The following MYO1F variants were observed in gnomAD, a reference collection of about 807,000 sequenced individuals.
MYO1F encodes unconventional myosin-If.
In MYO1F, 60 loss-of-function variants were observed where a neutral mutation model predicts 146.6. That is an observed-to-expected ratio of 0.41 (90% CI 0.33 to 0.51). The LOEUF (loss-of-function observed/expected upper bound fraction) is 0.51, where lower values mean the gene tolerates loss of function less well. Among genes scored for constraint, MYO1F ranks in the 20% least tolerant of loss-of-function variants. The pLI is 0.25. For synonymous variants in MYO1F, 602 were observed against 602.1 expected, an observed-to-expected ratio of 1.00 and a Z score of 0.00; for missense variants, 1,274 against 1,534.3, an observed-to-expected ratio of 0.83 and a Z score of 2.83.
At chr19:8,521,940 C>T (rs1972073836) in intron 27 of MYO1F, among the ~76,000 whole-genome samples, 1 of 152,026 alleles carries the variant, frequency 6.6e-6, no homozygotes, top group South Asian at 2.1e-4. Context: ...CAGGTATGAG[C>T]CACCTCGCCC....
At chr19:8,568,431 A>AAAAAAAAC (rs1555731025) in intron 1 of MYO1F, among the ~76,000 whole-genome samples, 1 of 150,822 alleles carries the variant, frequency 6.6e-6, no homozygotes, top group African/African-American at 2.4e-5. Context: ...TCAAAAAAAA[A>AAAAAAAAC]AAAAAAAAAA....
At position 8,521,327 on chromosome 19, in the gene MYO1F, G is replaced by A. The variant is rs926100423; in HGVS notation, c.*201C>T. 7 of 627,748 alleles carry A rather than the reference G, an allele frequency of 1.1e-5. No individual in the cohort carries two copies. Among genetic ancestry groups the A allele is most frequent in the African/African-American group, 1.8e-5 (1 of 54,954 alleles). 38.9% of individuals were successfully genotyped at this position (627,748 alleles called of 1,614,324 possible). A position where few individuals can be genotyped will look rare whatever the true frequency, so the allele number is the denominator to read the frequency against. ...AGAATGGGCAGCAGGTGTGATGTTG[G>A]AGGAAGACCAGGGCCCAGGGGCGGG... On this transcript the variant is annotated 3_prime_UTR_variant, in exon 28 of 28. Coordinates refer to ENST00000644032, the MANE Select transcript of MYO1F (RefSeq NM_012335.4).
rs574014272 is a variant in MYO1F at position 8,575,504 on chromosome 19, C to T, written c.3+1803G>A. Among the ~76,000 whole-genome samples, 9 of 151,974 alleles carry T rather than the reference C, an allele frequency of 5.9e-5. No individual in the cohort carries two copies. In the East Asian group the frequency reaches 1.6e-3, roughly 26 times the overall value. ...TGAGAGGAGGTGGAGCTCGGGCTTG[C>T]TTGCCTGCCACTCATCTCCTGCTCT... is the stretch of plus-strand genomic sequence containing the variant. On this transcript the variant is annotated intron_variant, in intron 1 of 27. Transcript: ENST00000644032.
At chr19:8,563,657 C>T (rs1885415261) in intron 1 of MYO1F, among the ~76,000 whole-genome samples, 1 of 151,650 alleles carries the variant, frequency 6.6e-6, no homozygotes, top group African/African-American at 2.4e-5. Flanking sequence ...TACAGGAGCC[C>T]ATCAACACGC....
At chr19:8,552,290 A>C in intron 6 of MYO1F, 126 bp from the exon 7 acceptor site, 1 of 1,037,242 alleles carries the variant, frequency 9.6e-7, no homozygotes, top group Non-Finnish European at 1.5e-6. Context: ...ACAGAATCTG[A>C]CTCTGTTGCT....
At chr19:8,542,357 C>CG (rs1368268827) in intron 14 of MYO1F, among the ~76,000 whole-genome samples, 15 of 47,428 alleles carry the variant, frequency 3.2e-4, no homozygotes, top group South Asian at 2.5e-3. Flanking sequence ...TGCAGCCTGG[C>CG]GGGGGGGTCC....
intron 13 of MYO1F, chr19:8,545,337 C>G (rs2145895836): frequency 2.7e-6 from 1 of 368,524 alleles, no homozygotes; most frequent in South Asian, 2.3e-5. Flanking sequence ...GATCCGCCCA[C>G]CTTGGCCTCC....
At chr19:8,568,422 C>CAAAAAAAAAAAAA (rs55833513) in intron 1 of MYO1F, among the ~76,000 whole-genome samples, 1 of 66,440 alleles carries the variant, frequency 1.5e-5, no homozygotes, top group Non-Finnish European at 2.5e-5. Context: ...GACTCCGTCT[C>CAAAAAAAAAAAAA]AAAAAAAAAA....
intron 21 of MYO1F, among the ~76,000 whole-genome samples, chr19:8,529,211 T>C (rs1284764282): frequency 6.6e-6 from 1 of 152,070 alleles, no homozygotes; most frequent in Non-Finnish European, 1.5e-5. Flanking sequence ...GTGATCTCAG[T>C]GTGTACCTGC....
At chr19:8,531,527 T>A (rs1422874428) in intron 19 of MYO1F, among the ~76,000 whole-genome samples, 1 of 152,026 alleles carries the variant, frequency 6.6e-6, no homozygotes, top group Non-Finnish European at 1.5e-5. Context: ...TTTGTGGTGA[T>A]GTGGTCTTGC....
intron 1 of MYO1F, among the ~76,000 whole-genome samples, chr19:8,571,816 C>T (rs2042115285): frequency 1.3e-5 from 2 of 152,110 alleles, no homozygotes; most frequent in African/African-American, 4.8e-5. Flanking sequence ...CCAGGATGGT[C>T]TCGATCTCCT....
At chr19:8,531,347 CAAAAAAAG>C (rs371105289) in intron 19 of MYO1F, among the ~76,000 whole-genome samples, 16 of 151,788 alleles carry the variant, frequency 1.1e-4, no homozygotes, top group African/African-American at 3.4e-4. Flanking sequence ...AACTTCATCT[CAAAAAAAG>C]AAAAAAAGAA....
chr19:8,530,732 C>G lies in MYO1F; in HGVS notation c.2044-159G>C, dbSNP rs112458917. On this transcript the variant is annotated intron_variant, in intron 19 of 27. Transcript: ENST00000644032. This position sits in a 1 kb window ranked among gnomAD's most constrained non-coding sequence, Gnocchi z 5.8. Reference sequence around the variant, plus strand: ...GAGGCGGGGTCTTTCTAGTGACACTCGTTCATAAAGAAAAGAAGAAAAAGG... The same window carrying G: ...GAGGCGGGGTCTTTCTAGTGACACTGGTTCATAAAGAAAAGAAGAAAAAGG... Among the ~76,000 whole-genome samples, 1,423 of 152,134 alleles carry G rather than the reference C, an allele frequency of 9.4e-3. 25 individuals are homozygous for G. The highest frequency in any genetic ancestry group is 0.033 in the African/African-American group (1,355 of 41,520).
Position 8,554,687 on chromosome 19 carries a change from G to C in MYO1F, c.198C>G (p.Phe66Leu), listed in dbSNP as rs758029581. Residue 66 changes from phenylalanine to leucine, a missense_variant, in exon 3 of 28, where the codon TTC becomes TTG. By Grantham distance (22) the Phe-to-Leu change is conservative. Transcript: ENST00000644032. ...GATAGAGGTCGATCTCACGGTCGGT[G>C]AAGTAGGGCATCTGCTTGAAGGGGT... ...SVNPFKQMPYFTDREIDLYQG... is the reference protein window; with the variant it reads ...SVNPFKQMPYLTDREIDLYQG... 1 of 1,613,958 alleles carries C rather than the reference G, an allele frequency of 6.2e-7. No individual in the cohort carries two copies. Among genetic ancestry groups the C allele is most frequent in the Admixed American group, 1.7e-5 (1 of 59,964 alleles).
rs776863768 is a variant in MYO1F at position 8,530,253 on chromosome 19, G to T, written c.2271C>A (p.Gly757=). 3 of 1,613,964 alleles carry T rather than the reference G, an allele frequency of 1.9e-6. No homozygotes were observed. In the Admixed American group the frequency reaches 5.0e-5, roughly 27 times the overall value. ...EERPELRQFL[G]KRERVDFADS... is the part of the protein sequence containing the mutation. ...CGGCGAAGTCCACCCGCTCCCTCTT[G>T]CCCAGGAACTGACGCAGCTCGGGCC... The change falls in exon 21 of 28, where the codon GGC becomes GGA. Residue 757 remains glycine (G), a synonymous_variant. Transcript: ENST00000644032. The surrounding 1 kb of genome is among the most constrained non-coding windows in gnomAD (Gnocchi z 5.8).
intron 12 of MYO1F, 56 bp from the exon 13 acceptor site, chr19:8,545,792 TCCC>T: frequency 8.5e-7 from 1 of 1,175,554 alleles, no homozygotes; most frequent in Non-Finnish European, 1.3e-6. Context: ...TGGCCACCCT[TCCC>T]CCCATGTCCT....
At position 8,555,686 on chromosome 19, in the gene MYO1F, C is replaced by G; in HGVS notation, c.114G>C (p.Arg38=). 6 of 1,614,142 alleles carry G rather than the reference C, an allele frequency of 3.7e-6. No homozygotes were observed. Among genetic ancestry groups the G allele is most frequent in the Non-Finnish European group, 5.1e-6 (6 of 1,180,020 alleles). ...AGATGTAGTCGTCCATGAAGCGCTT[C>G]CGGAGGTTGGCGGCAATGGCGTCTT... ...ITEDAIAANL[R]KRFMDDYIFT... The change falls in exon 2 of 28, where the codon CGG becomes CGC. Residue 38 remains arginine (R), a synonymous_variant. Coordinates refer to ENST00000644032, the MANE Select transcript of MYO1F (RefSeq NM_012335.4).
intron 13 of MYO1F, among the ~76,000 whole-genome samples, 157 bp from the exon 14 acceptor site, chr19:8,544,621 C>T (rs1005951727): frequency 4.0e-4 from 60 of 150,636 alleles, no homozygotes; most frequent in African/African-American, 1.0e-3. Context: ...AATACAAGCA[C>T]AAAAGGCGTT....
Position 8,577,373 on chromosome 19 carries a change from C to T in MYO1F, c.-64G>A, listed in dbSNP as rs2042257215. The T allele has an allele frequency of 6.2e-7, 1 of 1,601,434 alleles. No homozygotes were observed. Among genetic ancestry groups the T allele is most frequent in the African/African-American group, 1.3e-5 (1 of 74,682 alleles). ...ATGGGTCGTGATGGAGGTGCAGGTTCAGGGGGATCTTGGGGGTGGCTTGGG... is the reference window on the plus strand; with the variant it reads ...ATGGGTCGTGATGGAGGTGCAGGTTTAGGGGGATCTTGGGGGTGGCTTGGG... On this transcript the variant is annotated 5_prime_UTR_variant, in exon 1 of 28. It removes the in-frame stop codon of an upstream open reading frame in the 5' UTR. Transcript: ENST00000644032. This position sits in a 1 kb window ranked among gnomAD's most constrained non-coding sequence, Gnocchi z 4.3.
Sources: allele counts gnomAD v4.1 joint callset (sites outside exome capture counted in the v4.1 genomes callset), GRCh38; gene constraint gnomAD v4.1.1; non-coding constraint Gnocchi (gnomAD v3.1); transcripts MANE v1.5; gene names NCBI Gene and HGNC (gene_info 2026-07-23, HGNC 2026-07-21).